TASP1: variants seen among roughly 807,000 people sequenced by gnomAD.
The protein encoded by TASP1 is taspase 1.
In TASP1, 16 loss-of-function variants were observed where a neutral mutation model predicts 56.6. The ratio of observed to expected loss-of-function variants is 0.28; its 90% CI spans 0.19 to 0.43. The LOEUF (loss-of-function observed/expected upper bound fraction) is 0.43. Ranked by LOEUF, TASP1 falls within the 20% of genes least tolerant of loss-of-function variation. TASP1 has a pLI of 1.00. For synonymous variants in TASP1, 179 were observed against 184.2 expected (o/e 0.97, Z 0.23); for missense variants, 393 against 511.6 (o/e 0.77, Z 2.24).
the TASP1 span, among the ~76,000 whole-genome samples, chr20:13,355,820 G>C: frequency 6.6e-6 from 1 of 152,186 alleles, no homozygotes; most frequent in Non-Finnish European, 1.5e-5. Flanking sequence ...AACTGCCACT[G>C]TGTAATTCTT....
intron 13 of TASP1, among the ~76,000 whole-genome samples, chr20:13,391,610 T>C (rs533516251): frequency 6.6e-6 from 1 of 150,522 alleles, no homozygotes; most frequent in South Asian, 2.1e-4. Context: ...TCAAATCATA[T>C]AAACAGTGGG....
At chr20:13,475,297 G>A (rs190317774) in intron 11 of TASP1, among the ~76,000 whole-genome samples, 1 of 152,186 alleles carries the variant, frequency 6.6e-6, no homozygotes, top group East Asian at 1.9e-4. Context: ...TGATTTTAAG[G>A]TTCATTCATG....
At chr20:13,265,047 G>A in the TASP1 span, among the ~76,000 whole-genome samples, 2 of 152,118 alleles carry the variant, frequency 1.3e-5, no homozygotes, top group Admixed American at 1.3e-4. Flanking sequence ...TGTGCGTTGG[G>A]CCCGATGTGT....
intron 8 of TASP1, among the ~76,000 whole-genome samples, chr20:13,534,703 A>G (rs930124644): frequency 6.6e-6 from 1 of 152,158 alleles, no homozygotes; most frequent in Non-Finnish European, 1.5e-5. Flanking sequence ...CTTCTCTCCT[A>G]TAACAGTAAC....
chr20:13,287,251 G>T, the TASP1 span, among the ~76,000 whole-genome samples: 1 of 152,198 alleles, frequency 6.6e-6, no homozygotes, highest in South Asian at 2.1e-4. Flanking sequence ...GGCAAAGGAA[G>T]AGCAAAGGGA....
At chr20:13,246,205 G>A in the TASP1 span, among the ~76,000 whole-genome samples, 37 of 151,974 alleles carry the variant, frequency 2.4e-4, no homozygotes, top group Admixed American at 1.8e-3. Context: ...CCCAGGAGGC[G>A]GAGGTTGCAG....
At chr20:13,556,657 T>C (rs2046167672) in intron 8 of TASP1, among the ~76,000 whole-genome samples, 1 of 152,214 alleles carries the variant, frequency 6.6e-6, no homozygotes, top group South Asian at 2.1e-4. Flanking sequence ...TTTGGCACAC[T>C]GACTCTCTCT....
At position 13,623,346 on chromosome 20, in the gene TASP1, T is replaced by G. The variant is rs1275243654; in HGVS notation, c.282+100A>C. 4.3e-6 allele frequency: 4 copies of G among 919,558 alleles called. No individual in the cohort carries two copies. The African/African-American group carries it at 6.7e-5, about 15-fold the overall frequency. The allele number at this position is 919,558 out of a possible 1,614,324, so 57.0% of individuals were successfully genotyped here. A position where few individuals can be genotyped will look rare whatever the true frequency, so the allele number is the denominator to read the frequency against. ...TGCTAATATTGGTGGGAAACACTGC[T>G]CATATAATTTATGGTTGACTAACTC... On this transcript the variant is annotated intron_variant, in intron 4 of 13. Transcript: ENST00000337743.
intron 10 of TASP1, among the ~76,000 whole-genome samples, chr20:13,515,779 TCA>T (rs994220856): frequency 1.3e-5 from 2 of 152,034 alleles, no homozygotes; most frequent in Non-Finnish European, 2.9e-5. Context: ...CTTGCCAGTA[TCA>T]GACATACTAA....
chr20:13,388,607 T>C (rs1256594784), downstream of TASP1, among the ~76,000 whole-genome samples: 2 of 152,154 alleles, frequency 1.3e-5, no homozygotes, highest in Non-Finnish European at 1.5e-5. Context: ...GACTCCAAAG[T>C]GTCCTGATAG....
the TASP1 span, among the ~76,000 whole-genome samples, chr20:13,158,600 C>T: frequency 6.6e-6 from 1 of 152,156 alleles, no homozygotes; most frequent in Non-Finnish European, 1.5e-5. Context: ...CGTGGGCAGC[C>T]TTCCATAGGG....
chr20:13,237,586 G>A, the TASP1 span, among the ~76,000 whole-genome samples: 1 of 152,204 alleles, frequency 6.6e-6, no homozygotes, highest in Non-Finnish European at 1.5e-5. Context: ...AAGGAGGGCA[G>A]CTAGGGTGCT....
chr20:13,576,377 G>GAAAGA (rs1555793584), intron 6 of TASP1, among the ~76,000 whole-genome samples: 4 of 71,212 alleles, frequency 5.6e-5, no homozygotes, highest in Non-Finnish European at 1.5e-4. Context: ...AAGAAAGAAA[G>GAAAGA]AAAGAAAGAA....
chr20:13,608,880 G>C (rs920824716), intron 4 of TASP1, among the ~76,000 whole-genome samples: 1 of 152,158 alleles, frequency 6.6e-6, no homozygotes, highest in African/African-American at 2.4e-5. Flanking sequence ...AAATACATTA[G>C]ATAACATGTC....
At chr20:13,263,061 G>A in the TASP1 span, among the ~76,000 whole-genome samples, 1 of 152,138 alleles carries the variant, frequency 6.6e-6, no homozygotes, top group Admixed American at 6.5e-5. Flanking sequence ...TGTCGTCAGA[G>A]TGCCCAGCAA....
chr20:13,177,532 C>A, the TASP1 span, among the ~76,000 whole-genome samples: 1 of 152,060 alleles, frequency 6.6e-6, no homozygotes, highest in Middle Eastern at 3.2e-3. Flanking sequence ...CTGTAGTAAC[C>A]AAAACATCAT....
At position 13,511,877 on chromosome 20, in the gene TASP1, T is replaced by C. The variant is rs1006411117; in HGVS notation, c.874+16556A>G. ...GGTGTTTGGTTTTTTGTCCTTGCGA[T>C]AGTTTGCTGAGAATGATGGTTTCCA... On this transcript the variant is annotated intron_variant, in intron 10 of 13. Transcript: ENST00000337743. Among the ~76,000 whole-genome samples, 6 of 151,900 alleles carry C rather than the reference T, an allele frequency of 3.9e-5. No individual in the cohort carries two copies. In the South Asian group the frequency reaches 6.3e-4, roughly 16 times the overall value.
chr20:13,201,131 C>T, the TASP1 span, among the ~76,000 whole-genome samples: 1 of 152,156 alleles, frequency 6.6e-6, no homozygotes, highest in Non-Finnish European at 1.5e-5. Context: ...AGTAAGGAAA[C>T]GGCACAATCC....
the TASP1 span, among the ~76,000 whole-genome samples, chr20:13,338,800 A>G: frequency 6.6e-6 from 1 of 152,204 alleles, no homozygotes; most frequent in Non-Finnish European, 1.5e-5. Context: ...TAATCTCAGG[A>G]AAAAGGTAAG....
Sources: gnomAD v4.1 joint callset for allele counts (sites outside exome capture counted in the v4.1 genomes callset) on GRCh38, gnomAD v4.1.1 for gene constraint, MANE v1.5 for transcripts, NCBI Gene and HGNC (gene_info 2026-07-23, HGNC 2026-07-21) for gene names.